CYP2R1: variants seen among roughly 807,000 people sequenced by gnomAD.
The protein encoded by CYP2R1 is cytochrome P450 family 2 subfamily R member 1, also known as vitamin D 25-hydroxylase.
CYP2R1 carries 40 observed loss-of-function variants against 45.7 expected under a neutral mutation model. That is an observed-to-expected ratio of 0.87 (90% confidence interval 0.68 to 1.14). The LOEUF (loss-of-function observed/expected upper bound fraction) is 1.14. Among genes scored for constraint, CYP2R1 ranks in the 50% most tolerant of loss-of-function variants. CYP2R1 has a pLI of 0.00. For synonymous variants in CYP2R1, 234 were observed against 219.3 expected (o/e 1.07, Z -0.59); for missense variants, 605 against 602.6 (o/e 1.00, Z -0.04).
At chr11:14,891,051 C>T (rs1848832994) in intron 1 of CYP2R1, 1 of 985,318 alleles carries the variant, frequency 1.0e-6, no homozygotes, top group Admixed American at 6.1e-5. Context: ...TAGCGTCAGG[C>T]CTGTAGTTGC....
At position 14,877,958 on chromosome 11, in the gene CYP2R1, G is replaced by A. The variant is rs1318496810; in HGVS notation, c.*164C>T. On this transcript the variant is annotated 3_prime_UTR_variant, in exon 5 of 5. Coordinates refer to ENST00000334636, the MANE Select transcript of CYP2R1 (RefSeq NM_024514.5). ...TCATAAAATCTTGAAAAACAATCAC[G>A]ACTAGTGCTTGTTTCTGCTCTAGTA... is the stretch of plus-strand genomic sequence containing the variant. The A allele has an allele frequency of 1.5e-5, 10 of 672,658 alleles. No individual in the cohort carries two copies. The highest frequency in any genetic ancestry group is 5.5e-5 in the East Asian group (2 of 36,360). 41.7% of individuals were successfully genotyped at this position (672,658 alleles called of 1,614,324 possible).
At chr11:14,882,360 TGAG>T (rs1172959030) in intron 2 of CYP2R1, among the ~76,000 whole-genome samples, 1 of 151,970 alleles carries the variant, frequency 6.6e-6, no homozygotes, top group Non-Finnish European at 1.5e-5. Flanking sequence ...TCATAGGAGA[TGAG>T]GAAGTGAGAC....
At position 14,878,263 on chromosome 11, in the gene CYP2R1, C is replaced by T; in HGVS notation, c.1365G>A (p.Arg455=). 1 of 1,613,012 alleles carries T rather than the reference C, an allele frequency of 6.2e-7. No individual in the cohort carries two copies. Among genetic ancestry groups the T allele is most frequent in the African/African-American group, 1.3e-5 (1 of 74,938 alleles). ...RRHCLGEHLA[R]MEMFLFFTAL... ...CTGTAAAAAACAAGAACATTTCCAT[C>T]CGAGCCAAGTGTTCTCCAAGACAAT... Residue 455 remains arginine (R), a synonymous_variant, in exon 5 of 5, where the codon CGG becomes CGA. Transcript: ENST00000334636.
upstream of CYP2R1, chr11:14,892,336 G>T: frequency 1.2e-6 from 1 of 845,506 alleles, no homozygotes. Flanking sequence ...CTGACTGAGT[G>T]AGCGCTCAGG....
In CYP2R1 at chr11:14,885,829, A is replaced by T; in HGVS notation, c.314T>A (p.Ile105Asn). 6.2e-7 allele frequency: 1 copy of T among 1,613,596 alleles called. No homozygotes were observed. ...AGGAAGGCATGGTCTGTCTGCAAAA[A>T]TTTCGCTTTGATGAACAAGGCATTC... Reference protein sequence around the residue: ...VKECLVHQSEIFADRPCLPLF... With the variant: ...VKECLVHQSENFADRPCLPLF... The change falls in exon 2 of 5, where the codon ATT (isoleucine) becomes AAT (asparagine). Residue 105 changes from isoleucine (I) to asparagine (N), a missense_variant. Ile to Asn is a moderately radical substitution (Grantham distance 149). Coordinates refer to ENST00000334636, the MANE Select transcript of CYP2R1 (RefSeq NM_024514.5).
At chr11:14,884,050 T>C (rs1358064985) in intron 2 of CYP2R1, among the ~76,000 whole-genome samples, 1 of 152,064 alleles carries the variant, frequency 6.6e-6, no homozygotes, top group East Asian at 2.0e-4. Flanking sequence ...GGAGAGGATG[T>C]GGAGAATTAG....
rs1555016534 is a variant in CYP2R1, at chr11:14,890,820, T to C, written c.225+1161A>G. 11 of 972,306 alleles carry C rather than the reference T, an allele frequency of 1.1e-5. No individual in the cohort carries two copies. The African/African-American group carries it at 1.9e-4, about 17-fold the overall frequency. 60.2% of individuals were successfully genotyped at this position (972,306 alleles called of 1,614,324 possible). A position where few individuals can be genotyped will look rare whatever the true frequency, so the allele number is the denominator to read the frequency against. On this transcript the variant is annotated intron_variant, in intron 1 of 4. Transcript: ENST00000334636. ...GCCTCGGCCTCCTAAAGTGCTGGGA[T>C]TATAGGCGTGAGCCACCGCGCCCGG...
chr11:14,885,679 G>A lies in CYP2R1; in HGVS notation c.367+97C>T. 4 of 1,281,142 alleles carry A rather than the reference G, an allele frequency of 3.1e-6. No homozygotes were observed. In the South Asian group the frequency reaches 5.0e-5, roughly 16 times the overall value. 79.4% of individuals were successfully genotyped at this position (1,281,142 alleles called of 1,614,324 possible). On this transcript the variant is annotated intron_variant, in intron 2 of 4. Transcript: ENST00000334636. ...TAAATAAATAGTTTCTTATTAATCA[G>A]TATAAAATAATCCCAACTGTATGCA...
chr11:14,890,724 T>C (rs1338316250), intron 1 of CYP2R1, among the ~76,000 whole-genome samples: 2 of 151,682 alleles, frequency 1.3e-5, no homozygotes, highest in Admixed American at 1.3e-4. Context: ...TTTTTTGTAT[T>C]CTTTTAGTAG....
In CYP2R1 at chr11:14,877,633, A is replaced by G. The variant is rs935845913; in HGVS notation, c.*489T>C. ...CATATTTCTTCTACCATCTCCCACC[A>G]TATCTAAAATACCTCTATAGTCCTA... On this transcript the variant is annotated 3_prime_UTR_variant, in exon 5 of 5. Coordinates refer to ENST00000334636, the MANE Select transcript of CYP2R1 (RefSeq NM_024514.5). 6.6e-6 allele frequency: 1 copy of G among 152,416 alleles called. No individual in the cohort carries two copies. Among genetic ancestry groups the G allele is most frequent in the African/African-American group, 2.4e-5 (1 of 41,424 alleles). The allele number at this position is 152,416 out of a possible 1,614,324, so 9.4% of individuals were successfully genotyped here.
intron 4 of CYP2R1, 141 bp from the exon 5 acceptor site, chr11:14,878,438 A>C (rs997686994): frequency 1.8e-5 from 15 of 838,916 alleles, no homozygotes; most frequent in Admixed American, 1.7e-4. Context: ...GATTTTCTTA[A>C]ATCTCAAAGA....
chr11:14,884,450 C>T (rs1284899549), intron 2 of CYP2R1, among the ~76,000 whole-genome samples: 1 of 147,034 alleles, frequency 6.8e-6, no homozygotes, highest in Non-Finnish European at 1.5e-5. Flanking sequence ...CCAAACACCG[C>T]ATATTCTCAC....
intron 3 of CYP2R1, 126 bp downstream of exon 3, chr11:14,880,010 A>G (rs1848313861): frequency 6.6e-6 from 6 of 909,836 alleles, no homozygotes; most frequent in Non-Finnish European, 8.3e-6. Flanking sequence ...ACTATTAAAT[A>G]TTTCTATACT....
In CYP2R1 at chr11:14,879,668, T is replaced by C. The variant is rs1400334207; in HGVS notation, c.1001-225A>G. 3.3e-5 allele frequency among the ~76,000 whole-genome samples: 5 copies of C among 152,054 alleles called. 1 individual carries two copies. The highest frequency in any genetic ancestry group is 1.2e-4 in the African/African-American group (5 of 41,398). On this transcript the variant is annotated intron_variant, in intron 3 of 4. Transcript: ENST00000334636. Reference sequence around the variant, plus strand: ...TAACCTATAACAAGCCAATAGGATATAGATACATCCAGATTCAGATTTTTT... The same window carrying C: ...TAACCTATAACAAGCCAATAGGATACAGATACATCCAGATTCAGATTTTTT...
In CYP2R1 at chr11:14,891,903, T is replaced by G. The variant is rs551621652; in HGVS notation, c.225+78A>C. ...CGACTAGTCGGCCCAGGGGCGGCCATAAGTCCAACCAGGAAGGCCCTGGCC... is the reference window on the plus strand; with the variant it reads ...CGACTAGTCGGCCCAGGGGCGGCCAGAAGTCCAACCAGGAAGGCCCTGGCC... On this transcript the variant is annotated intron_variant, in intron 1 of 4. Transcript: ENST00000334636. 8 of 1,528,330 alleles carry G rather than the reference T, an allele frequency of 5.2e-6. No homozygotes were observed. In the African/African-American group the frequency reaches 6.9e-5, roughly 13 times the overall value. 94.7% of individuals were successfully genotyped at this position (1,528,330 alleles called of 1,614,324 possible).
At chr11:14,891,260 T>C in intron 1 of CYP2R1, 1 of 985,252 alleles carries the variant, frequency 1.0e-6, no homozygotes, top group Non-Finnish European at 1.2e-6. Context: ...CGGCTGGTTA[T>C]GAGTTTTAAA....
chr11:14,885,611 T>A (rs1384365602), intron 2 of CYP2R1, among the ~76,000 whole-genome samples, 165 bp downstream of exon 2: 4 of 152,202 alleles, frequency 2.6e-5, no homozygotes, highest in African/African-American at 9.6e-5. Flanking sequence ...GTCTAAAATA[T>A]GCGTGTAGTA....
rs782044143 is a variant in CYP2R1 at position 14,878,242 on chromosome 11, A to G, written c.1386T>C (p.Phe462=). The G allele has an allele frequency of 4.3e-6, 7 of 1,613,104 alleles. No homozygotes were observed. Residue 462 remains phenylalanine (F), a synonymous_variant, in exon 5 of 5, where the codon TTT becomes TTC. Coordinates refer to ENST00000334636, the MANE Select transcript of CYP2R1 (RefSeq NM_024514.5). The part of the protein sequence containing the change: ...HLARMEMFLF[F]TALLQRFHLH... ...AATGAAACCTCTGAAGCAATGCTGTAAAAAACAAGAACATTTCCATCCGAG... is the reference window on the plus strand; with the variant it reads ...AATGAAACCTCTGAAGCAATGCTGTGAAAAACAAGAACATTTCCATCCGAG...
upstream of CYP2R1, chr11:14,892,332 G>T: frequency 1.1e-6 from 1 of 894,146 alleles, no homozygotes; most frequent in African/African-American, 1.7e-5. Context: ...TTGGCTGACT[G>T]AGTGAGCGCT....
Sources: allele counts gnomAD v4.1 joint callset (sites outside exome capture counted in the v4.1 genomes callset), GRCh38; gene constraint gnomAD v4.1.1; transcripts MANE v1.5; gene names NCBI Gene and HGNC (gene_info 2026-07-23, HGNC 2026-07-21).